The following SYT1 variants were observed in gnomAD, a reference collection of about 807,000 sequenced individuals.
SYT1 encodes synaptotagmin-1.
SYT1 carries 8 observed loss-of-function variants against 44.8 expected under a neutral mutation model. The ratio of observed to expected loss-of-function variants is 0.18; its 90% CI spans 0.10 to 0.32. The LOEUF (loss-of-function observed/expected upper bound fraction) is 0.32. Among genes scored for constraint, SYT1 ranks in the 10% least tolerant of loss-of-function variants. The pLI is 1.00. For missense variants in SYT1, 286 were observed against 509.3 expected, an observed-to-expected ratio of 0.56 and a Z score of 4.22; for synonymous variants, 154 against 188.8, an observed-to-expected ratio of 0.82 and a Z score of 1.51.
intron 4 of SYT1, among the ~76,000 whole-genome samples, chr12:79,250,978 C>T (rs1367718335): frequency 1.3e-5 from 2 of 152,104 alleles, no homozygotes; most frequent in Admixed American, 6.5e-5. Flanking sequence ...AGTGACTTTT[C>T]ACTTTATGCT....
At chr12:79,299,697 C>T in intron 8 of SYT1, 146 bp downstream of exon 8, 1 of 941,348 alleles carries the variant, frequency 1.1e-6, no homozygotes, top group Non-Finnish European at 1.5e-6. Context: ...AAGGGCACTG[C>T]ACCACCTCGT....
chr12:79,286,923 A>T (rs1159827253), intron 5 of SYT1, among the ~76,000 whole-genome samples: 1 of 152,186 alleles, frequency 6.6e-6, no homozygotes, highest in Admixed American at 6.5e-5. Flanking sequence ...ATTCCCAAAT[A>T]GCAAAATATA....
At chr12:79,407,168 C>T (rs1411392506) in intron 9 of SYT1, among the ~76,000 whole-genome samples, 1 of 152,070 alleles carries the variant, frequency 6.6e-6, no homozygotes, top group Non-Finnish European at 1.5e-5. Flanking sequence ...ACTCTTTTCT[C>T]TGGGTTTATC....
chr12:79,202,635 T>C (rs1873854563), intron 3 of SYT1, among the ~76,000 whole-genome samples: 3 of 152,298 alleles, frequency 2.0e-5, no homozygotes, highest in Admixed American at 6.5e-5. Flanking sequence ...CAAATATTCT[T>C]TCCAGTCCTC....
At chr12:79,104,653 C>G (rs535788833) in intron 3 of SYT1, among the ~76,000 whole-genome samples, 18 of 151,860 alleles carry the variant, frequency 1.2e-4, no homozygotes, top group African/African-American at 3.9e-4. Context: ...TTGAACAGCA[C>G]TAAGTAAACC....
chr12:79,190,775 A>C (rs1277863937), intron 3 of SYT1, among the ~76,000 whole-genome samples: 1 of 152,136 alleles, frequency 6.6e-6, no homozygotes, highest in Non-Finnish European at 1.5e-5. Flanking sequence ...TAGCAAGGCT[A>C]ATTTTTATAG....
In SYT1 at chr12:78,951,953, A is replaced by C. The variant is rs367658257; in HGVS notation, c.-216-25846A>C. Among the ~76,000 whole-genome samples, 16 of 152,282 alleles carry C rather than the reference A, an allele frequency of 1.1e-4. 1 individual carries two copies. Among genetic ancestry groups the C allele is most frequent in the East Asian group, 5.8e-4 (3 of 5,176 alleles). On this transcript the variant is annotated intron_variant, in intron 1 of 10. Transcript: ENST00000261205. ...GCTTTCGAAGGAGACTCCACTAATTAGCTTAGTCGGCATAGCATCTGGTAA... is the reference window on the plus strand; with the variant it reads ...GCTTTCGAAGGAGACTCCACTAATTCGCTTAGTCGGCATAGCATCTGGTAA...
chr12:78,929,494 C>T (rs1317716251), intron 1 of SYT1, among the ~76,000 whole-genome samples: 1 of 131,562 alleles, frequency 7.6e-6, no homozygotes, highest in African/African-American at 2.8e-5. Context: ...AATCTTTACT[C>T]AATAATTTTA....
At chr12:79,380,824 G>A (rs1263647799) in intron 9 of SYT1, among the ~76,000 whole-genome samples, 5 of 152,066 alleles carry the variant, frequency 3.3e-5, no homozygotes, top group African/African-American at 1.2e-4. Context: ...ACCTATTCAT[G>A]CCTTCTTCCT....
At chr12:79,297,512 T>G (rs1033836991) in intron 7 of SYT1, among the ~76,000 whole-genome samples, 2 of 152,112 alleles carry the variant, frequency 1.3e-5, no homozygotes, top group Non-Finnish European at 2.9e-5. Flanking sequence ...GGGGCTTTGT[T>G]TTGTATTGCA....
intron 3 of SYT1, among the ~76,000 whole-genome samples, chr12:79,175,280 G>A (rs1871788729): frequency 6.6e-6 from 1 of 152,076 alleles, no homozygotes. Context: ...ATTTGTTGCT[G>A]TGATTTTATT....
intron 1 of SYT1, among the ~76,000 whole-genome samples, chr12:78,882,991 T>A (rs1734301647): frequency 6.6e-6 from 1 of 151,656 alleles, no homozygotes; most frequent in African/African-American, 2.4e-5. Flanking sequence ...AAAATAAATC[T>A]TCTAGCTAAA....
In SYT1 at chr12:79,363,460, C is replaced by T. The variant is rs939973502; in HGVS notation, c.928+9841C>T. The stretch of plus-strand genomic sequence containing the variant: ...ACTGTACTGGCCAGGTGCAGTGGCT[C>T]ACACCTGTAATCCCAGTACTTGGGC... On this transcript the variant is annotated intron_variant, in intron 9 of 10. Coordinates refer to ENST00000261205, the MANE Select transcript of SYT1 (RefSeq NM_005639.3). Among the ~76,000 whole-genome samples, 49 of 151,870 alleles carry T rather than the reference C, an allele frequency of 3.2e-4. 1 individual carries two copies. Among genetic ancestry groups the T allele is most frequent in the Admixed American group, 1.6e-3 (25 of 15,242 alleles).
At chr12:79,287,689 T>C (rs1879378825) in intron 5 of SYT1, among the ~76,000 whole-genome samples, 1 of 152,126 alleles carries the variant, frequency 6.6e-6, no homozygotes, top group South Asian at 2.1e-4. Flanking sequence ...AATAAATCTA[T>C]AATATTTGTG....
intron 8 of SYT1, among the ~76,000 whole-genome samples, chr12:79,310,242 C>A (rs935433903): frequency 7.9e-5 from 12 of 152,176 alleles, no homozygotes; most frequent in African/African-American, 2.9e-4. Flanking sequence ...TATGGCTAGC[C>A]AGTTTTCCCA....
chr12:79,312,014 GTAA>G (rs1880828952), intron 8 of SYT1, among the ~76,000 whole-genome samples: 1 of 151,140 alleles, frequency 6.6e-6, no homozygotes, highest in Non-Finnish European at 1.5e-5. Flanking sequence ...AACTTAAAGT[GTAA>G]TAATAATAAA....
At chr12:79,224,991 G>A (rs1025796281) in intron 4 of SYT1, among the ~76,000 whole-genome samples, 4 of 151,786 alleles carry the variant, frequency 2.6e-5, no homozygotes, top group East Asian at 3.9e-4. Context: ...ATGTTGGTCA[G>A]GCTGGTCTCG....
At chr12:79,248,883 A>G (rs969617233) in intron 4 of SYT1, among the ~76,000 whole-genome samples, 1 of 152,066 alleles carries the variant, frequency 6.6e-6, no homozygotes, top group African/African-American at 2.4e-5. Flanking sequence ...GAGAATATTG[A>G]CCCTTTAAAA....
At chr12:79,357,547 A>G (rs1883160292) in intron 9 of SYT1, among the ~76,000 whole-genome samples, 1 of 152,216 alleles carries the variant, frequency 6.6e-6, no homozygotes, top group Non-Finnish European at 1.5e-5. Context: ...AGGTAATTGT[A>G]TTTGTGTATC....
Sources: gnomAD v4.1 joint callset for allele counts (sites outside exome capture counted in the v4.1 genomes callset) on GRCh38, gnomAD v4.1.1 for gene constraint, MANE v1.5 for transcripts, NCBI Gene and HGNC (gene_info 2026-07-23, HGNC 2026-07-21) for gene names.